CACNA1A: variants seen among roughly 807,000 people sequenced by gnomAD.
The protein encoded by CACNA1A is voltage-dependent P/Q-type calcium channel subunit alpha-1A.
A neutral mutation model predicts 262.4 loss-of-function variants in CACNA1A; 57 were observed. That is an observed-to-expected ratio of 0.22 (90% CI 0.18 to 0.27). The LOEUF is 0.27. CACNA1A is among the 10% of genes least tolerant of loss of function. The probability of loss-of-function intolerance (pLI) is 1.00; values close to 1 mark genes in which losing one functional copy is unlikely to be tolerated. For missense variants in CACNA1A, 2,526 were observed against 3,562.8 expected, an observed-to-expected ratio of 0.71 and a Z score of 7.41; for synonymous variants, 1,431 against 1,419.3, an observed-to-expected ratio of 1.01 and a Z score of -0.18.
intron 24 of CACNA1A, among the ~76,000 whole-genome samples, chr19:13,268,643 C>T (rs1243166613): frequency 1.3e-5 from 2 of 152,008 alleles, no homozygotes; most frequent in Non-Finnish European, 2.9e-5. Context: ...ACCGTGTTAG[C>T]CAGGATGGTC....
chr19:13,407,879 T>TA (rs563542957), intron 3 of CACNA1A, among the ~76,000 whole-genome samples: 34 of 152,206 alleles, frequency 2.2e-4, no homozygotes, highest in Middle Eastern at 3.4e-3. Context: ...AGGGACCTGG[T>TA]AGGAGGTGAT....
At chr19:13,208,733 G>A in intron 46 of CACNA1A, 23 bp downstream of exon 46, 1 of 1,560,402 alleles carries the variant, frequency 6.4e-7, no homozygotes, top group Non-Finnish European at 8.6e-7. Flanking sequence ...GCCCAGCCTG[G>A]GGTCACTTGC....
At chr19:13,227,631 GA>G in intron 36 of CACNA1A, 104 bp from the exon 37 acceptor site, 1 of 434,894 alleles carries the variant, frequency 2.3e-6, no homozygotes, top group Non-Finnish European at 4.0e-6. Context: ...ACAGAAGAAA[GA>G]AAAAAGAAAT....
intron 23 of CACNA1A, among the ~76,000 whole-genome samples, chr19:13,276,337 G>A (rs940133316): frequency 5.9e-5 from 9 of 152,136 alleles, no homozygotes; most frequent in Admixed American, 2.6e-4. Context: ...TCCTGTCCCC[G>A]TCATCGCCCA....
rs181416048 is a variant in CACNA1A, at chr19:13,466,561, G to A, written c.294-11349C>T. ...TCACCATGTTGGCCAGACTGGTCTC[G>A]AACTCCTGACCTCAAGTGATCTGCC... On this transcript the variant is annotated intron_variant, in intron 1 of 46. Transcript: ENST00000360228. Among the ~76,000 whole-genome samples, 40 of 152,008 alleles carry A rather than the reference G, an allele frequency of 2.6e-4. No individual in the cohort carries two copies. The East Asian group carries it at 3.9e-3, about 15-fold the overall frequency.
At position 13,298,761 on chromosome 19, in the gene CACNA1A, G is replaced by T. The variant is rs923472334; in HGVS notation, c.2872C>A (p.His958Asn). The change falls in exon 19 of 47, where the codon CAT (histidine) becomes AAT (asparagine). Residue 958 changes from histidine (H) to asparagine (N), a missense_variant. Physicochemically the swap from His to Asn is moderately conservative, Grantham distance 68 (BLOSUM62 1). Around this residue, in one of 17 missense-constraint regions of CACNA1A, gnomAD observed 765 missense variants for 748.6 expected, o/e 1.02. Transcript: ENST00000360228. ...RTGADGEHRR[H>N]RAHRRPGEEG... ...TCCCCGGGCCTGCGGTGCGCGCGAT[G>T]ACGTCGATGCTCCCCGTCCGCGCCC... is the stretch of plus-strand genomic sequence containing the variant. The T allele has an allele frequency of 2.0e-6, 3 of 1,515,990 alleles. No individual in the cohort carries two copies. In the African/African-American group the frequency reaches 4.3e-5, roughly 22 times the overall value. 93.9% of individuals were successfully genotyped at this position (1,515,990 alleles called of 1,614,324 possible).
intron 30 of CACNA1A, among the ~76,000 whole-genome samples, chr19:13,251,201 A>T (rs186551769): frequency 6.1e-4 from 92 of 151,636 alleles, no homozygotes; most frequent in Non-Finnish European, 1.5e-4. Flanking sequence ...CACACTGAGT[A>T]GGCCGGGTGC....
chr19:13,429,734 A>G (rs939419429), intron 3 of CACNA1A, among the ~76,000 whole-genome samples: 2 of 151,764 alleles, frequency 1.3e-5, no homozygotes, highest in African/African-American at 4.8e-5. Context: ...CATCTGGATG[A>G]ACAGATAAGC....
intron 3 of CACNA1A, among the ~76,000 whole-genome samples, chr19:13,382,932 G>C (rs2059547838): frequency 6.6e-6 from 1 of 152,152 alleles, no homozygotes; most frequent in Non-Finnish European, 1.5e-5. Context: ...CCCACATGGA[G>C]GTTCCTACCA....
At chr19:13,254,353 C>A (rs1031261286) in intron 29 of CACNA1A, among the ~76,000 whole-genome samples, 2 of 151,418 alleles carry the variant, frequency 1.3e-5, no homozygotes, top group African/African-American at 2.4e-5. Context: ...TCCCTCATTT[C>A]TTTCTTTTTC....
In CACNA1A at chr19:13,230,141, C is replaced by A. The variant is rs910160407; in HGVS notation, c.5469G>T (p.Leu1823=). ...FEYLTRDSSI[L]GPHHLDEYVR... is the part of the protein sequence containing the mutation. ...CGTACTCATCCAGGTGGTGGGGGCCCAGGATGGAGGAGTCTCGGGTGAGGT... is the reference window on the plus strand; with the variant it reads ...CGTACTCATCCAGGTGGTGGGGGCCAAGGATGGAGGAGTCTCGGGTGAGGT... The change falls in exon 36 of 47, where the codon CTG becomes CTT. Residue 1823 remains leucine (L), a synonymous_variant. Coordinates refer to ENST00000360228, the MANE Select transcript of CACNA1A (RefSeq NM_001127222.2). 1.2e-6 allele frequency: 2 copies of A among 1,613,660 alleles called. No homozygotes were observed. Among genetic ancestry groups the A allele is most frequent in the East Asian group, 4.5e-5 (2 of 44,878 alleles).
At chr19:13,252,330 T>C (rs1387015199) in intron 30 of CACNA1A, among the ~76,000 whole-genome samples, 2 of 152,070 alleles carry the variant, frequency 1.3e-5, no homozygotes, top group African/African-American at 4.8e-5. Flanking sequence ...TGCCTTGGCC[T>C]CCTGAAGTGC....
chr19:13,227,508 C>A lies in CACNA1A; in HGVS notation c.5548G>T (p.Asp1850Tyr). 1.3e-6 allele frequency: 2 copies of A among 1,593,984 alleles called. No individual in the cohort carries two copies. Among genetic ancestry groups the A allele is most frequent in the Admixed American group, 1.7e-5 (1 of 58,092 alleles). Residue 1850 changes from aspartate to tyrosine, a missense_variant, in exon 37 of 47, where the codon GAC (aspartate) becomes TAC (tyrosine). Transcript: ENST00000360228. ...ATGTGTCTCAGCATCTGATACATGT[C>A]CAGGTAAGGCATGCGGCCCCTGGCA... ...PAAWGRMPYL[D>Y]MYQMLRHMSP...
chr19:13,453,171 T>C (rs1461433714), intron 2 of CACNA1A, among the ~76,000 whole-genome samples, 156 bp from the exon 3 acceptor site: 1 of 152,116 alleles, frequency 6.6e-6, no homozygotes, highest in East Asian at 1.9e-4. Context: ...AGAGTTCTCT[T>C]GTCCAAAGCC....
At chr19:13,329,581 C>T (rs1368725285) in intron 10 of CACNA1A, among the ~76,000 whole-genome samples, 1 of 150,720 alleles carries the variant, frequency 6.6e-6, no homozygotes, top group Non-Finnish European at 1.5e-5. Flanking sequence ...CTCTGCTTCC[C>T]AGGTTCAAGT....
chr19:13,242,118 A>T (rs2056097130), intron 31 of CACNA1A, among the ~76,000 whole-genome samples: 1 of 152,154 alleles, frequency 6.6e-6, no homozygotes, highest in Non-Finnish European at 1.5e-5. Context: ...AGAAGGACCC[A>T]AACACCCACC....
chr19:13,370,177 T>C (rs145372252), intron 4 of CACNA1A, among the ~76,000 whole-genome samples: 4 of 152,152 alleles, frequency 2.6e-5, no homozygotes, highest in African/African-American at 4.8e-5. Flanking sequence ...TTCAGCTCAC[T>C]GCAACCTCCG....
intron 3 of CACNA1A, among the ~76,000 whole-genome samples, chr19:13,446,762 T>A: frequency 8.9e-6 from 1 of 111,854 alleles, no homozygotes; most frequent in Non-Finnish European, 1.8e-5. Context: ...CAGCTGGGAT[T>A]TTTTTTTTTT....
In CACNA1A at chr19:13,257,518, C is replaced by T; in HGVS notation, c.4422G>A (p.Glu1474=). The T allele has an allele frequency of 1.3e-6, 2 of 1,595,898 alleles. No individual in the cohort carries two copies. The highest frequency in any genetic ancestry group is 1.7e-6 in the Non-Finnish European group (2 of 1,170,652). Residue 1474 remains glutamate (E), a synonymous_variant, in exon 28 of 47, where the codon GAG becomes GAA. Coordinates refer to ENST00000360228, the MANE Select transcript of CACNA1A (RefSeq NM_001127222.2). The part of the protein sequence containing the change: ...VLKHSVDATF[E]NQGPSPGYRM... ...GGTACCCGGGGCTGGGGCCCTGGTT[C>T]TCAAAGGTGGCGTCCACCGAATGCT... is the stretch of plus-strand genomic sequence containing the variant.
Sources: gnomAD v4.1 joint callset for allele counts (sites outside exome capture counted in the v4.1 genomes callset) on GRCh38, gnomAD v4.1.1 for gene constraint, gnomAD v4.1.1 regional missense constraint, MANE v1.5 for transcripts, NCBI Gene and HGNC (gene_info 2026-07-23, HGNC 2026-07-21) for gene names.